The following AFAP1 variants were observed in gnomAD, a reference collection of about 807,000 sequenced individuals.
AFAP1 encodes actin filament associated protein 1.
A neutral mutation model predicts 93.9 loss-of-function variants in AFAP1; 75 were observed. The ratio of observed to expected loss-of-function variants is 0.80; its 90% confidence interval spans 0.66 to 0.97. AFAP1 has a LOEUF of 0.97. Among genes scored for constraint, AFAP1 ranks in the 50% least tolerant of loss-of-function variants. The probability of loss-of-function intolerance (pLI) is 0.00; values close to 1 mark genes in which losing one functional copy is unlikely to be tolerated. For synonymous variants in AFAP1, 517 were observed against 430.7 expected, an observed-to-expected ratio of 1.20 and a Z score of -2.48; for missense variants, 1,201 against 1,050.8, an observed-to-expected ratio of 1.14 and a Z score of -1.98.
chr4:7,871,174 C>G (rs1717003267), intron 2 of AFAP1, among the ~76,000 whole-genome samples: 1 of 152,150 alleles, frequency 6.6e-6, no homozygotes, highest in South Asian at 2.1e-4. Context: ...TTGTCCTGCT[C>G]ACTGTGCATC....
At chr4:7,929,200 T>A (rs1477974192) in intron 1 of AFAP1, among the ~76,000 whole-genome samples, 3 of 152,304 alleles carry the variant, frequency 2.0e-5, no homozygotes, top group Admixed American at 6.5e-5. Flanking sequence ...CCTCTCCACA[T>A]AAAAGTACAA....
At chr4:7,840,448 G>A (rs1307076677) in intron 5 of AFAP1, among the ~76,000 whole-genome samples, 2 of 152,000 alleles carry the variant, frequency 1.3e-5, no homozygotes, top group South Asian at 4.2e-4. Context: ...TGAGTAACTG[G>A]GAGTACAGGC....
At chr4:7,873,489 C>G (rs1039067698) in intron 1 of AFAP1, among the ~76,000 whole-genome samples, 10 of 150,060 alleles carry the variant, frequency 6.7e-5, no homozygotes, top group Non-Finnish European at 1.5e-4. Flanking sequence ...GCTGGGACTA[C>G]AGGCGCCCGC....
At chr4:7,918,883 G>A (rs113667074) in intron 1 of AFAP1, among the ~76,000 whole-genome samples, 134 of 40,548 alleles carry the variant, frequency 3.3e-3, no homozygotes, top group African/African-American at 0.014. Flanking sequence ...CAGGGCTGCC[G>A]GAAGAGACAC....
intron 1 of AFAP1, among the ~76,000 whole-genome samples, chr4:7,880,750 G>A (rs1319828971): frequency 6.6e-6 from 1 of 152,216 alleles, no homozygotes; most frequent in Non-Finnish European, 1.5e-5. Context: ...CTCCAAGACT[G>A]AGGAGGCTAA....
At chr4:7,834,852 C>A (rs991868974) in intron 6 of AFAP1, among the ~76,000 whole-genome samples, 2 of 152,268 alleles carry the variant, frequency 1.3e-5, no homozygotes, top group Non-Finnish European at 2.9e-5. Flanking sequence ...TATAAACCTG[C>A]CTTTGAATGG....
rs758853572 is a variant in AFAP1, at chr4:7,798,902, G to T, written c.1266+1540C>A. On this transcript the variant is annotated intron_variant, in intron 10 of 17. Coordinates refer to ENST00000420658, the MANE Select transcript of AFAP1 (RefSeq NM_001134647.2). Reference sequence around the variant, plus strand: ...CCCTCTTCATTCCTGTATCTTACCCGTGCCAATTCATGCCTCCTTCTCCTT... The same window carrying T: ...CCCTCTTCATTCCTGTATCTTACCCTTGCCAATTCATGCCTCCTTCTCCTT... The T allele has an allele frequency of 5.2e-5, 51 of 986,706 alleles. No homozygotes were observed. The African/African-American group carries it at 7.9e-4, about 15-fold the overall frequency. 61.1% of individuals were successfully genotyped at this position (986,706 alleles called of 1,614,324 possible).
chr4:7,822,771 T>C (rs1721086658), intron 6 of AFAP1, among the ~76,000 whole-genome samples: 1 of 148,362 alleles, frequency 6.7e-6, no homozygotes, highest in Non-Finnish European at 1.5e-5. Flanking sequence ...TTTTTTGTAT[T>C]TTTAGTAGAG....
intron 6 of AFAP1, among the ~76,000 whole-genome samples, chr4:7,827,435 G>A (rs528870272): frequency 1.3e-5 from 2 of 151,842 alleles, no homozygotes; most frequent in South Asian, 4.2e-4. Context: ...GCTGCAGGTG[G>A]TGGCACACGC....
chr4:7,915,697 C>G (rs1394365057), intron 1 of AFAP1, among the ~76,000 whole-genome samples: 1 of 152,240 alleles, frequency 6.6e-6, no homozygotes, highest in East Asian at 1.9e-4. Context: ...TAAGTACCAC[C>G]TGCTTCTGCT....
chr4:7,934,553 A>C (rs1256002549), intron 1 of AFAP1, among the ~76,000 whole-genome samples: 2 of 151,724 alleles, frequency 1.3e-5, no homozygotes, highest in African/African-American at 4.9e-5. Flanking sequence ...TCCCACTACC[A>C]CTGTCTGGGA....
intron 9 of AFAP1, among the ~76,000 whole-genome samples, chr4:7,802,657 T>TC (rs1358689147): frequency 1.7e-5 from 2 of 117,096 alleles, no homozygotes; most frequent in Non-Finnish European, 3.7e-5. Context: ...TTTTTTTTTT[T>TC]TGAGACAGGA....
At chr4:7,770,178 G>C (rs1323397885) in intron 16 of AFAP1, among the ~76,000 whole-genome samples, 1 of 152,226 alleles carries the variant, frequency 6.6e-6, no homozygotes, top group Admixed American at 6.5e-5. Flanking sequence ...GGGAAGCAGA[G>C]GCAGCAAGCC....
chr4:7,761,392 A>C lies in AFAP1; in HGVS notation c.*2373T>G, dbSNP rs140859424. The C allele has an allele frequency of 0.022, 3,412 of 152,368 alleles. 54 individuals carry two copies. The highest frequency in any genetic ancestry group is 0.061 in the Middle Eastern group (18 of 294). 9.4% of individuals were successfully genotyped at this position (152,368 alleles called of 1,614,324 possible). A position where few individuals can be genotyped will look rare whatever the true frequency, so the allele number is the denominator to read the frequency against. ...ATTACAAACCTGGGTTTTTACAACA[A>C]AATATGCATGCTGGGAGTCGAGCAC... On this transcript the variant is annotated 3_prime_UTR_variant, in exon 18 of 18. Transcript: ENST00000420658.
chr4:7,935,835 G>C (rs1371103845), intron 1 of AFAP1, among the ~76,000 whole-genome samples: 1 of 152,134 alleles, frequency 6.6e-6, no homozygotes, highest in East Asian at 1.9e-4. Context: ...TATATCCTCT[G>C]TGTTCTCCAT....
intron 2 of AFAP1, among the ~76,000 whole-genome samples, chr4:7,871,200 C>T (rs1717005851): frequency 6.6e-6 from 1 of 152,174 alleles, no homozygotes; most frequent in African/African-American, 2.4e-5. Flanking sequence ...GTTAATGTAG[C>T]AGGCCCAAAG....
intron 2 of AFAP1, among the ~76,000 whole-genome samples, chr4:7,868,937 G>C (rs1042689417): frequency 8.1e-6 from 1 of 124,084 alleles, no homozygotes; most frequent in Non-Finnish European, 1.7e-5. Flanking sequence ...AAAAGAGAAA[G>C]AGAAAGAGAA....
In AFAP1 at chr4:7,838,530, C is replaced by A; in HGVS notation, c.720G>T (p.Trp240Cys). The change falls in exon 6 of 18, where the codon TGG (tryptophan) becomes TGT (cysteine). Residue 240 changes from tryptophan to cysteine, a missense_variant. Transcript: ENST00000420658. ...AACACAGCAGACAACCTACCTTCAGCCACTGCTCGGCCTGTTCCTTGCTCT... is the reference window on the plus strand; with the variant it reads ...AACACAGCAGACAACCTACCTTCAGACACTGCTCGGCCTGTTCCTTGCTCT... The part of the protein sequence containing the change: ...AVQSKEQAEQ[W>C]LKVIKEAYSG... The A allele has an allele frequency of 6.2e-7, 1 of 1,612,320 alleles. No individual in the cohort carries two copies. Among genetic ancestry groups the A allele is most frequent in the Non-Finnish European group, 8.5e-7 (1 of 1,178,950 alleles).
chr4:7,772,677 C>T, intron 16 of AFAP1, 143 bp downstream of exon 16: 1 of 716,654 alleles, frequency 1.4e-6, no homozygotes, highest in Non-Finnish European at 2.3e-6. Flanking sequence ...CTGATGCTAA[C>T]ACATGAACTG....
Sources: gnomAD v4.1 joint callset for allele counts (sites outside exome capture counted in the v4.1 genomes callset) on GRCh38, gnomAD v4.1.1 for gene constraint, MANE v1.5 for transcripts, NCBI Gene and HGNC (gene_info 2026-07-23, HGNC 2026-07-21) for gene names.